Variants in ZNF366 observed in about 807,000 individuals in gnomAD.
ZNF366 encodes the protein dendritic cell-specific transcript protein.
A neutral mutation model predicts 47.2 loss-of-function variants in ZNF366; 20 were observed. The ratio of observed to expected loss-of-function variants is 0.42; its 90% CI spans 0.30 to 0.62. ZNF366 has a LOEUF of 0.62. Among genes scored for constraint, ZNF366 ranks in the 20% least tolerant of loss-of-function variants. ZNF366 has a pLI of 0.16. For missense variants in ZNF366, 987 were observed against 976.3 expected (o/e 1.01, Z -0.15); for synonymous variants, 421 against 395.1 (o/e 1.07, Z -0.78).
At chr5:72,451,831 C>G (rs985774109) in intron 3 of ZNF366, among the ~76,000 whole-genome samples, 1 of 152,202 alleles carries the variant, frequency 6.6e-6, no homozygotes, top group Non-Finnish European at 1.5e-5. Flanking sequence ...ATTTGGCTCC[C>G]CCATCCTTAG....
chr5:72,480,716 T>C (rs997985797), intron 1 of ZNF366, among the ~76,000 whole-genome samples: 1 of 152,230 alleles, frequency 6.6e-6, no homozygotes, highest in Non-Finnish European at 1.5e-5. Flanking sequence ...ATCTTTCTAC[T>C]GAAGGTCTCA....
chr5:72,455,375 C>T (rs959024660), intron 3 of ZNF366, among the ~76,000 whole-genome samples: 3 of 152,136 alleles, frequency 2.0e-5, no homozygotes, highest in Admixed American at 6.5e-5. Context: ...GAATATAGAT[C>T]AGCAGAGTAT....
chr5:72,481,468 T>C (rs1335797297), intron 1 of ZNF366, among the ~76,000 whole-genome samples: 1 of 152,192 alleles, frequency 6.6e-6, no homozygotes, highest in Non-Finnish European at 1.5e-5. Context: ...ACTAGACAAA[T>C]AGCACTGCGG....
chr5:72,449,388 G>A (rs186828734), intron 3 of ZNF366, among the ~76,000 whole-genome samples: 29 of 152,196 alleles, frequency 1.9e-4, no homozygotes, highest in Admixed American at 1.8e-3. Flanking sequence ...TGGGACTACA[G>A]GCGCCTGGCT....
intron 1 of ZNF366, among the ~76,000 whole-genome samples, chr5:72,479,787 C>T (rs1013781895): frequency 2.0e-5 from 3 of 152,188 alleles, no homozygotes; most frequent in Non-Finnish European, 4.4e-5. Context: ...TGTGCACAAG[C>T]ATGTGTAATC....
At chr5:72,466,304 A>C (rs1743426380) in intron 1 of ZNF366, among the ~76,000 whole-genome samples, 1 of 152,176 alleles carries the variant, frequency 6.6e-6, no homozygotes, top group Admixed American at 6.5e-5. Context: ...TTTTGCTATT[A>C]CGGAGATGTT....
chr5:72,458,725 A>T (rs1228176559), intron 2 of ZNF366, among the ~76,000 whole-genome samples: 1 of 152,252 alleles, frequency 6.6e-6, no homozygotes. Flanking sequence ...GTTGAGAAGT[A>T]AATGAGGATT....
At chr5:72,449,588 G>A (rs1367219394) in intron 3 of ZNF366, among the ~76,000 whole-genome samples, 1 of 152,172 alleles carries the variant, frequency 6.6e-6, no homozygotes, top group Non-Finnish European at 1.5e-5. Flanking sequence ...CCAGTCACGG[G>A]TCATTTTTAG....
At chr5:72,503,985 T>C (rs965310190) in intron 1 of ZNF366, among the ~76,000 whole-genome samples, 2 of 152,042 alleles carry the variant, frequency 1.3e-5, no homozygotes, top group African/African-American at 4.8e-5. Flanking sequence ...GTCATACAGG[T>C]TTTAAAGTTT....
Position 72,477,359 on chromosome 5 carries a change from G to C in ZNF366, c.-14-15849C>G, listed in dbSNP as rs1413754101. Among the ~76,000 whole-genome samples the C allele has an allele frequency of 2.0e-5, 3 of 152,228 alleles. No individual in the cohort carries two copies. In the South Asian group the frequency reaches 6.2e-4, roughly 32 times the overall value. ...GTCTACATTAAGTGTGGAGGAATGGGAGGATATGCTTTTAATGTCCTGGAA... is the reference window on the plus strand; with the variant it reads ...GTCTACATTAAGTGTGGAGGAATGGCAGGATATGCTTTTAATGTCCTGGAA... On this transcript the variant is annotated intron_variant, in intron 1 of 4. Coordinates refer to ENST00000318442, the MANE Select transcript of ZNF366 (RefSeq NM_152625.3).
rs1580237323 is a variant in ZNF366, at chr5:72,460,563, G to T, written c.934C>A (p.Gln312Lys). 2.5e-6 allele frequency: 4 copies of T among 1,614,092 alleles called. No homozygotes were observed. The highest frequency in any genetic ancestry group is 3.4e-6 in the Non-Finnish European group (4 of 1,180,028). Reference sequence around the variant, plus strand: ...TGGGTGAAGGCCTTGTGGCACACCTGGCACTTGTGGGGCCGCGTGCCCTGG... The same window carrying T: ...TGGGTGAAGGCCTTGTGGCACACCTTGCACTTGTGGGGCCGCGTGCCCTGG... The part of the protein sequence containing the change: ...THQGTRPHKC[Q>K]VCHKAFTQTS... Residue 312 changes from glutamine (Q) to lysine (K), a missense_variant, in exon 2 of 5, where the codon CAG becomes AAG. Gln to Lys is a moderately conservative substitution (Grantham distance 53, BLOSUM62 1). Coordinates refer to ENST00000318442, the MANE Select transcript of ZNF366 (RefSeq NM_152625.3).
At chr5:72,451,442 G>A (rs1175254613) in intron 3 of ZNF366, among the ~76,000 whole-genome samples, 6 of 152,240 alleles carry the variant, frequency 3.9e-5, no homozygotes, top group Non-Finnish European at 8.8e-5. Context: ...GACACAGAAG[G>A]ACAGAGAGCT....
intron 3 of ZNF366, among the ~76,000 whole-genome samples, chr5:72,449,672 G>A (rs1288631207): frequency 6.6e-6 from 1 of 152,234 alleles, no homozygotes; most frequent in Admixed American, 6.5e-5. Flanking sequence ...CAATTGCTGA[G>A]TATAACCAGT....
intron 3 of ZNF366, among the ~76,000 whole-genome samples, chr5:72,452,986 A>G (rs1204847188): frequency 6.6e-6 from 1 of 152,270 alleles, no homozygotes; most frequent in Non-Finnish European, 1.5e-5. Context: ...TCCAGCCAAC[A>G]GCAAAAGAGC....
Position 72,456,584 on chromosome 5 carries a change from C to T in ZNF366, c.1344G>A (p.Glu448=). ...CCCGCCCACAAATCCCACACTTATG[C>T]TCCTTCACACCCTGCAGGGAGGCAA... ...QHSLTHKGVK[E]HKCGICGREF... is the part of the protein sequence containing the mutation. Residue 448 remains glutamate (E), a synonymous_variant, in exon 3 of 5, where the codon GAG becomes GAA. Coordinates refer to ENST00000318442, the MANE Select transcript of ZNF366 (RefSeq NM_152625.3). 8 of 1,601,616 alleles carry T rather than the reference C, an allele frequency of 5.0e-6. No individual in the cohort carries two copies. Among genetic ancestry groups the T allele is most frequent in the Non-Finnish European group, 6.8e-6 (8 of 1,170,194 alleles).
intron 3 of ZNF366, among the ~76,000 whole-genome samples, chr5:72,453,856 G>A (rs1431408769): frequency 6.6e-6 from 1 of 152,184 alleles, no homozygotes; most frequent in Non-Finnish European, 1.5e-5. Context: ...TAAGAATGGA[G>A]AAGGCCCACC....
At chr5:72,468,248 T>C (rs190344354) in intron 1 of ZNF366, among the ~76,000 whole-genome samples, 21 of 152,336 alleles carry the variant, frequency 1.4e-4, no homozygotes, top group African/African-American at 4.6e-4. Flanking sequence ...CGTCACTCTC[T>C]GGGTCAGTGG....
chr5:72,463,269 T>G (rs1743365100), intron 1 of ZNF366, among the ~76,000 whole-genome samples: 1 of 152,172 alleles, frequency 6.6e-6, no homozygotes, highest in African/African-American at 2.4e-5. Flanking sequence ...GCAGTACAAT[T>G]AAAACAAAAA....
At chr5:72,453,514 A>G (rs1743118042) in intron 3 of ZNF366, among the ~76,000 whole-genome samples, 1 of 152,236 alleles carries the variant, frequency 6.6e-6, no homozygotes, top group African/African-American at 2.4e-5. Flanking sequence ...AACAACCTTC[A>G]ACCAAGGCCA....
Sources: gnomAD v4.1 joint callset for allele counts (sites outside exome capture counted in the v4.1 genomes callset) on GRCh38, gnomAD v4.1.1 for gene constraint, MANE v1.5 for transcripts, NCBI Gene and HGNC (gene_info 2026-07-23, HGNC 2026-07-21) for gene names.